MOGAT1: variants seen among roughly 807,000 people sequenced by gnomAD.
MOGAT1 encodes the protein 2-acylglycerol O-acyltransferase 1.
MOGAT1 carries 32 observed loss-of-function variants against 31.4 expected under a neutral mutation model. The ratio of observed to expected loss-of-function variants is 1.02; its 90% CI spans 0.77 to 1.37. MOGAT1 has a LOEUF of 1.37. Among genes scored for constraint, MOGAT1 ranks in the 40% most tolerant of loss-of-function variants. MOGAT1 has a pLI of 0.00. For synonymous variants in MOGAT1, 145 were observed against 144.5 expected (o/e 1.00, Z -0.03); for missense variants, 426 against 402.0 (o/e 1.06, Z -0.51).
Position 222,694,415 on chromosome 2 carries a change from G to A in MOGAT1, c.532G>A (p.Gly178Ser), listed in dbSNP as rs779455518. 3 of 1,613,698 alleles carry A rather than the reference G, an allele frequency of 1.9e-6. No homozygotes were observed. The highest frequency in any genetic ancestry group is 1.7e-6 in the Non-Finnish European group (2 of 1,179,700). Residue 178 changes from glycine to serine, a missense_variant, in exon 4 of 6, where the codon GGT becomes AGT. By Grantham distance (56) the Gly-to-Ser change is moderately conservative. Transcript: ENST00000446656. ...GTCCTACATGGTAAGCAAGGAGGGA[G>A]GTGGAAACATCTCTGTCATTGTCCT... ...SVSYMVSKEG[G>S]GNISVIVLGG...
At chr2:222,680,683 T>C (rs1692566736) in intron 1 of MOGAT1, among the ~76,000 whole-genome samples, 1 of 152,200 alleles carries the variant, frequency 6.6e-6, no homozygotes, top group African/African-American at 2.4e-5. Flanking sequence ...GAGGTGCTAA[T>C]GGATTTTTGC....
intron 1 of MOGAT1, among the ~76,000 whole-genome samples, chr2:222,676,613 A>G (rs1477178418): frequency 6.6e-6 from 1 of 152,202 alleles, no homozygotes; most frequent in Non-Finnish European, 1.5e-5. Context: ...CAAGAATGTA[A>G]TGCCTTGATT....
intron 3 of MOGAT1, among the ~76,000 whole-genome samples, chr2:222,690,153 G>C (rs1028161442): frequency 2.0e-5 from 3 of 152,204 alleles, no homozygotes; most frequent in African/African-American, 7.2e-5. Context: ...TACTCAGGAG[G>C]CTGAGGTGGA....
intron 5 of MOGAT1, among the ~76,000 whole-genome samples, chr2:222,707,680 A>G (rs974315141): frequency 6.6e-6 from 1 of 152,220 alleles, no homozygotes; most frequent in African/African-American, 2.4e-5. Flanking sequence ...TACTATGTAT[A>G]AATGTGACAT....
intron 1 of MOGAT1, among the ~76,000 whole-genome samples, chr2:222,685,780 T>C (rs1368499444): frequency 6.6e-6 from 1 of 151,950 alleles, no homozygotes. Flanking sequence ...TTTGTATTTT[T>C]AGTAGAGACA....
intron 3 of MOGAT1, among the ~76,000 whole-genome samples, chr2:222,691,793 G>C (rs1214318787): frequency 6.6e-6 from 1 of 152,202 alleles, no homozygotes; most frequent in African/African-American, 2.4e-5. Flanking sequence ...GGGCTTCAGA[G>C]GGCCTTTGTT....
chr2:222,693,950 G>C (rs1166158360), intron 3 of MOGAT1, among the ~76,000 whole-genome samples: 4 of 152,052 alleles, frequency 2.6e-5, no homozygotes, highest in Admixed American at 6.6e-5. Context: ...TATACTTTTT[G>C]GTTCTGTGTA....
chr2:222,694,749 A>G (rs1692816321), intron 4 of MOGAT1, among the ~76,000 whole-genome samples: 1 of 152,222 alleles, frequency 6.6e-6, no homozygotes, highest in Non-Finnish European at 1.5e-5. Context: ...CTTAACTCTA[A>G]AAGCAAAACA....
chr2:222,694,288 A>T, intron 3 of MOGAT1, 74 bp from the exon 4 acceptor site: 7 of 1,335,920 alleles, frequency 5.2e-6, no homozygotes, highest in Non-Finnish European at 7.1e-6. Context: ...TACTATTGTC[A>T]TGGAATATTA....
chr2:222,700,552 AAT>A (rs755339534), intron 5 of MOGAT1, among the ~76,000 whole-genome samples: 2 of 152,228 alleles, frequency 1.3e-5, no homozygotes, highest in African/African-American at 4.8e-5. Context: ...TCAAGCTAAG[AAT>A]ATGTTTTGTA....
At chr2:222,674,307 T>C (rs970389165) in intron 1 of MOGAT1, among the ~76,000 whole-genome samples, 1 of 152,252 alleles carries the variant, frequency 6.6e-6, no homozygotes, top group Non-Finnish European at 1.5e-5. Context: ...GAAATTATAT[T>C]GTGGGAAATT....
rs770090883 is a variant in MOGAT1 at position 222,688,511 on chromosome 2, T to G, written c.262T>G (p.Phe88Val). Residue 88 changes from phenylalanine to valine, a missense_variant, in exon 2 of 6, where the codon TTT becomes GTT. Transcript: ENST00000446656. Reference protein sequence around the residue: ...WTLWKHFKDYFPIHLIKTQDL... With the variant: ...WTLWKHFKDYVPIHLIKTQDL... Reference sequence around the variant, plus strand: ...TCTTTGGAAACACTTTAAGGACTATTTTCCAATTCATGTGAGTACAGTTGT... The same window carrying G: ...TCTTTGGAAACACTTTAAGGACTATGTTCCAATTCATGTGAGTACAGTTGT... The G allele has an allele frequency of 6.2e-7, 1 of 1,609,578 alleles. No homozygotes were observed. The highest frequency in any genetic ancestry group is 8.5e-7 in the Non-Finnish European group (1 of 1,178,248).
intron 5 of MOGAT1, among the ~76,000 whole-genome samples, chr2:222,707,361 G>GAGAAAGAA (rs10628312): frequency 2.5e-5 from 3 of 120,872 alleles, no homozygotes; most frequent in Non-Finnish European, 3.6e-5. Flanking sequence ...AAGAAAGAAA[G>GAGAAAGAA]AGAAAGAAAG....
At chr2:222,679,767 A>T (rs936631550) in intron 1 of MOGAT1, among the ~76,000 whole-genome samples, 11 of 152,224 alleles carry the variant, frequency 7.2e-5, no homozygotes, top group Admixed American at 7.2e-4. Context: ...GAGCAAACCA[A>T]AGTGGAGTCA....
intron 1 of MOGAT1, among the ~76,000 whole-genome samples, chr2:222,674,636 T>C (rs1692469984): frequency 6.6e-6 from 1 of 152,194 alleles, no homozygotes; most frequent in African/African-American, 2.4e-5. Context: ...CAGTGTCTGT[T>C]GTTTCCTTCG....
At chr2:222,677,730 TGAA>T (rs1692520308) in intron 1 of MOGAT1, 1 of 408,280 alleles carries the variant, frequency 2.4e-6, no homozygotes, top group Non-Finnish European at 4.9e-6. Context: ...TCGATTCTGG[TGAA>T]GAAGGAAGTT....
At chr2:222,694,989 A>T in intron 4 of MOGAT1, 100 bp from the exon 5 acceptor site, 5 of 884,188 alleles carry the variant, frequency 5.7e-6, no homozygotes, top group Admixed American at 3.4e-5. Flanking sequence ...GGGCACATTT[A>T]AAAAATTTTT....
intron 1 of MOGAT1, among the ~76,000 whole-genome samples, chr2:222,672,915 T>TATTATTATTATC (rs1559226450): frequency 6.7e-6 from 1 of 148,274 alleles, no homozygotes; most frequent in Non-Finnish European, 1.5e-5. Flanking sequence ...TTATTATTAT[T>TATTATTATTATC]ATTATTATTA....
chr2:222,679,252 T>C (rs1692545561), intron 1 of MOGAT1, among the ~76,000 whole-genome samples: 1 of 152,252 alleles, frequency 6.6e-6, no homozygotes, highest in South Asian at 2.1e-4. Flanking sequence ...TCTGTTCATC[T>C]ATCTTGATGC....
Sources: allele counts gnomAD v4.1 joint callset (sites outside exome capture counted in the v4.1 genomes callset), GRCh38; gene constraint gnomAD v4.1.1; transcripts MANE v1.5; gene names NCBI Gene and HGNC (gene_info 2026-07-23, HGNC 2026-07-21).